The following SLC26A4 variants were observed in gnomAD, a reference collection of about 807,000 sequenced individuals.
The protein encoded by SLC26A4 is solute carrier family 26 member 4.
A neutral mutation model predicts 90.4 loss-of-function variants in SLC26A4; 93 were observed. That is an observed-to-expected ratio of 1.03 (90% confidence interval 0.87 to 1.22). The LOEUF (loss-of-function observed/expected upper bound fraction) is 1.22. Ranked by LOEUF, SLC26A4 falls within the 50% of genes most tolerant of loss-of-function variation. SLC26A4 has a pLI of 0.00. For missense variants in SLC26A4, 1,127 were observed against 946.2 expected, an observed-to-expected ratio of 1.19 and a Z score of -2.51; for synonymous variants, 393 against 354.6, an observed-to-expected ratio of 1.11 and a Z score of -1.22.
rs1258313604 is a variant in SLC26A4, at chr7:107,691,565, A to G, written c.1263+1328A>G. Among the ~76,000 whole-genome samples the G allele has an allele frequency of 2.1e-5, 3 of 142,618 alleles. No individual in the cohort carries two copies. The East Asian group carries it at 6.5e-4, about 31-fold the overall frequency. 93.6% of individuals were successfully genotyped at this position (142,618 alleles called of 152,430 possible). A position where few individuals can be genotyped will look rare whatever the true frequency, so the allele number is the denominator to read the frequency against. On this transcript the variant is annotated intron_variant, in intron 10 of 20. Coordinates refer to ENST00000644269, the MANE Select transcript of SLC26A4 (RefSeq NM_000441.2). ...CACACAAACATATATATATATATAT[A>G]TTCTCATATATATATACGAGAATAA...
intron 4 of SLC26A4, among the ~76,000 whole-genome samples, chr7:107,673,144 A>G (rs1790920142): frequency 6.6e-6 from 1 of 152,148 alleles, no homozygotes; most frequent in Admixed American, 6.5e-5. Context: ...TCTCTTTGGT[A>G]TTCTATACAT....
chr7:107,683,711 G>A (rs1328079388), intron 8 of SLC26A4, among the ~76,000 whole-genome samples, 174 bp downstream of exon 8: 2 of 152,080 alleles, frequency 1.3e-5, no homozygotes. Context: ...GTAGATAAAC[G>A]TCAAGCCATT....
At chr7:107,678,385 C>A (rs534761724) in intron 6 of SLC26A4, among the ~76,000 whole-genome samples, 1 of 152,146 alleles carries the variant, frequency 6.6e-6, no homozygotes, top group African/African-American at 2.4e-5. Flanking sequence ...CTACACAGAT[C>A]GCAGGAGGTC....
At chr7:107,706,308 C>A (rs554791141) in intron 18 of SLC26A4, among the ~76,000 whole-genome samples, 2 of 152,104 alleles carry the variant, frequency 1.3e-5, no homozygotes, top group Non-Finnish European at 2.9e-5. Flanking sequence ...CCAAGCCTGG[C>A]GAGGTATTGC....
chr7:107,661,326 C>T lies in SLC26A4; in HGVS notation c.-3-313C>T. 1 of 482,244 alleles carries T rather than the reference C, an allele frequency of 2.1e-6. No homozygotes were observed. The highest frequency in any genetic ancestry group is 3.8e-6 in the Non-Finnish European group (1 of 266,508). 29.9% of individuals were successfully genotyped at this position (482,244 alleles called of 1,614,324 possible). The stretch of plus-strand genomic sequence containing the variant: ...ACGCGGACAGCGCCCTGGCTGCGGG[C>T]CATAGGGGACTGGGTGGAACTCGGG... On this transcript the variant is annotated intron_variant, in intron 1 of 20. Transcript: ENST00000644269. This position sits in a 1 kb window ranked among gnomAD's most constrained non-coding sequence, Gnocchi z 5.1.
chr7:107,695,919 AT>A lies in SLC26A4; in HGVS notation c.1438-7del, dbSNP rs753586849. The A allele has an allele frequency of 1.7e-5, 23 of 1,378,118 alleles. No homozygotes were observed. The highest frequency in any genetic ancestry group is 1.0e-4 in the African/African-American group (7 of 69,994). The allele number at this position is 1,378,118 out of a possible 1,614,324, so 85.4% of individuals were successfully genotyped here. ...CATTAATATAATTCTTTTCATTTCT[AT>A]TTTTTTCCCTAGGTTATCTGGGTGT... On this transcript the variant is annotated splice_polypyrimidine_tract_variant and intron_variant, in intron 12 of 20. Coordinates refer to ENST00000644269, the MANE Select transcript of SLC26A4 (RefSeq NM_000441.2).
chr7:107,683,219 T>C lies in SLC26A4; in HGVS notation c.783T>C (p.Phe261=), dbSNP rs1791295608. Residue 261 remains phenylalanine (F), a synonymous_variant, in exon 7 of 21, where the codon TTT becomes TTC. Coordinates refer to ENST00000644269, the MANE Select transcript of SLC26A4 (RefSeq NM_000441.2). ...LSIIYTLVEI[F]QNIGDTNLAD... is the part of the protein sequence containing the mutation. ...TTTTATAGACGCTGGTTGAGATTTT[T>C]CAAAATATTGGTGATACCAATCTTG... 6.2e-7 allele frequency: 1 copy of C among 1,612,408 alleles called. No individual in the cohort carries two copies. Among genetic ancestry groups the C allele is most frequent in the East Asian group, 2.2e-5 (1 of 44,870 alleles).
intron 3 of SLC26A4, among the ~76,000 whole-genome samples, chr7:107,666,377 A>G (rs1006992769): frequency 3.5e-4 from 53 of 152,034 alleles, no homozygotes; most frequent in Admixed American, 3.3e-4. Context: ...ATGTGCCACC[A>G]TGCTTGGCTA....
At chr7:107,696,682 G>T (rs553757901) in intron 13 of SLC26A4, among the ~76,000 whole-genome samples, 2 of 152,180 alleles carry the variant, frequency 1.3e-5, no homozygotes, top group African/African-American at 4.8e-5. Flanking sequence ...CAGAGTGAAG[G>T]CAGCAAAGAC....
chr7:107,679,203 G>A (rs958089299), intron 6 of SLC26A4, among the ~76,000 whole-genome samples: 4 of 152,110 alleles, frequency 2.6e-5, no homozygotes, highest in African/African-American at 7.2e-5. Context: ...TCCACTTAGG[G>A]GTTGATTTCC....
chr7:107,689,237 C>T, intron 9 of SLC26A4, 37 bp downstream of exon 9: 1 of 1,607,976 alleles, frequency 6.2e-7, no homozygotes, highest in East Asian at 2.2e-5. Flanking sequence ...TTTTATAGGG[C>T]TGGAAACAGG....
intron 3 of SLC26A4, among the ~76,000 whole-genome samples, chr7:107,670,495 T>C (rs1356152643): frequency 6.6e-6 from 1 of 152,126 alleles, no homozygotes; most frequent in Non-Finnish European, 1.5e-5. Flanking sequence ...CCTATCAGTT[T>C]TGAATCTTGA....
intron 6 of SLC26A4, among the ~76,000 whole-genome samples, chr7:107,678,728 T>C (rs1257016317): frequency 8.6e-6 from 1 of 116,672 alleles, no homozygotes; most frequent in Non-Finnish European, 1.9e-5. Flanking sequence ...AATATAAGTT[T>C]GCTCTTCTGA....
In SLC26A4 at chr7:107,714,126, A is replaced by ATGT. The variant is rs1326202454; in HGVS notation, c.2320-1293_2320-1291dup. Among the ~76,000 whole-genome samples the ATGT allele has an allele frequency of 1.3e-4, 20 of 151,584 alleles. No individual in the cohort carries two copies. The East Asian group carries it at 3.7e-3, about 28-fold the overall frequency. On this transcript the variant is annotated intron_variant, in intron 20 of 20. Transcript: ENST00000644269. ...TTCTTAGTAGAGACAGGGTTTTGCCATGTTGTCCAGGCTGGTCTTGAACTC... is the reference window on the plus strand; with the variant it reads ...TTCTTAGTAGAGACAGGGTTTTGCCATGTTGTTGTCCAGGCTGGTCTTGAACTC...
chr7:107,706,805 A>G (rs114757012), intron 18 of SLC26A4, among the ~76,000 whole-genome samples: 3,749 of 152,332 alleles, frequency 0.025, 150 homozygotes, highest in African/African-American at 0.085. Flanking sequence ...GAATACTCAC[A>G]AAGAGTTTCC....
At chr7:107,704,464 A>G in intron 18 of SLC26A4, 79 bp downstream of exon 18, 1 of 672,956 alleles carries the variant, frequency 1.5e-6, no homozygotes, top group Non-Finnish European at 2.7e-6. Flanking sequence ...TGGTCACATT[A>G]TGTCTGAAGG....
At chr7:107,671,686 A>G (rs1364729314) in intron 3 of SLC26A4, among the ~76,000 whole-genome samples, 2 of 152,200 alleles carry the variant, frequency 1.3e-5, no homozygotes, top group Non-Finnish European at 1.5e-5. Context: ...CTGTAAATTG[A>G]GAGTATCTGT....
chr7:107,686,405 T>TTTTCTTTCTTTCTTTCTTTCTTTCTTTC (rs774114215), intron 8 of SLC26A4, among the ~76,000 whole-genome samples: 4 of 82,576 alleles, frequency 4.8e-5, no homozygotes, highest in South Asian at 4.2e-4. Context: ...TCTCTCTCTT[T>TTTTCTTTCTTTCTTTCTTTCTTTCTTTC]TTTCTTTCTT....
At position 107,698,087 on chromosome 7, in the gene SLC26A4, C is replaced by T. The variant is rs771384229; in HGVS notation, c.1590C>T (p.Tyr530=). 8 of 1,608,708 alleles carry T rather than the reference C, an allele frequency of 5.0e-6. No homozygotes were observed. The African/African-American group carries it at 1.1e-4, about 22-fold the overall frequency. ...GLGSIPSTDI[Y]KSTKNYKNIE... Reference sequence around the variant, plus strand: ...GAAGCATCCCTAGCACAGATATCTACAAAAGTACCAAGAATTACAAAAACG... The same window carrying T: ...GAAGCATCCCTAGCACAGATATCTATAAAAGTACCAAGAATTACAAAAACG... The change falls in exon 14 of 21, where the codon TAC becomes TAT. Residue 530 remains tyrosine (Y), a synonymous_variant. Transcript: ENST00000644269.
Sources: gnomAD v4.1 joint callset for allele counts (sites outside exome capture counted in the v4.1 genomes callset) on GRCh38, gnomAD v4.1.1 for gene constraint, Gnocchi (gnomAD v3.1) non-coding constraint, MANE v1.5 for transcripts, NCBI Gene and HGNC (gene_info 2026-07-23, HGNC 2026-07-21) for gene names.